Variants in SSBP3 observed in about 807,000 individuals in gnomAD.
The protein encoded by SSBP3 is single-stranded DNA-binding protein 3.
SSBP3 carries 5 observed loss-of-function variants against 69.6 expected under a neutral mutation model. The ratio of observed to expected loss-of-function variants is 0.07; its 90% CI spans 0.04 to 0.15. The LOEUF is 0.15. Among genes scored for constraint, SSBP3 ranks in the 10% least tolerant of loss-of-function variants. The pLI, the probability that SSBP3 is intolerant of heterozygous loss-of-function variation, is 1.00. For missense variants in SSBP3, 312 were observed against 534.0 expected (o/e 0.58, Z 4.10); for synonymous variants, 196 against 193.4 (o/e 1.01, Z -0.11).
chr1:54,323,015 G>A (rs1292297641), intron 4 of SSBP3, among the ~76,000 whole-genome samples: 1 of 152,146 alleles, frequency 6.6e-6, no homozygotes, highest in Non-Finnish European at 1.5e-5. Flanking sequence ...GATTTTCAAG[G>A]GAACTCAGGA....
At chr1:54,238,984 G>T in intron 14 of SSBP3, 145 bp downstream of exon 14, 1 of 686,176 alleles carries the variant, frequency 1.5e-6, no homozygotes. Flanking sequence ...TTGCCCAAGA[G>T]TTAATCACTT....
At chr1:54,301,330 A>C (rs1490956027) in intron 4 of SSBP3, among the ~76,000 whole-genome samples, 1 of 152,212 alleles carries the variant, frequency 6.6e-6, no homozygotes, top group Non-Finnish European at 1.5e-5. Context: ...GCAGCACGCC[A>C]ACTTTGGTTC....
intron 7 of SSBP3, among the ~76,000 whole-genome samples, chr1:54,254,571 C>A (rs1644886434): frequency 6.6e-6 from 1 of 152,234 alleles, no homozygotes; most frequent in African/African-American, 2.4e-5. Flanking sequence ...CCTTTTCACT[C>A]CCCTCACCCA....
At chr1:54,318,583 T>C (rs1646156655) in intron 4 of SSBP3, among the ~76,000 whole-genome samples, 1 of 152,072 alleles carries the variant, frequency 6.6e-6, no homozygotes, top group African/African-American at 2.4e-5. Flanking sequence ...GGATAAAGCT[T>C]TCCAAGCAGC....
rs375612735 is a variant in SSBP3 at position 54,364,137 on chromosome 1, A to C, written c.276+37724T>G. Among the ~76,000 whole-genome samples the C allele has an allele frequency of 4.4e-4, 67 of 152,324 alleles. No homozygotes were observed. In the East Asian group the frequency reaches 0.011, roughly 25 times the overall value. On this transcript the variant is annotated intron_variant, in intron 4 of 17. Transcript: ENST00000610401. ...CTTACTTATACCACCTGTATTTGTA[A>C]ATAAAGTTTTATTGGGACACAACCA... is the stretch of plus-strand genomic sequence containing the variant.
At chr1:54,280,139 G>A (rs1645364312) in intron 5 of SSBP3, among the ~76,000 whole-genome samples, 1 of 152,280 alleles carries the variant, frequency 6.6e-6, no homozygotes, top group South Asian at 2.1e-4. Context: ...TGTTTTTGGG[G>A]AACACCTGAA....
intron 4 of SSBP3, among the ~76,000 whole-genome samples, chr1:54,361,674 T>C (rs1272120884): frequency 1.3e-5 from 2 of 152,020 alleles, no homozygotes; most frequent in African/African-American, 2.4e-5. Flanking sequence ...GGCAGCGAGC[T>C]GAACAAGCAA....
At chr1:54,364,713 C>G (rs1418824895) in intron 4 of SSBP3, among the ~76,000 whole-genome samples, 1 of 152,206 alleles carries the variant, frequency 6.6e-6, no homozygotes, top group Non-Finnish European at 1.5e-5. Context: ...ACCCATTCCA[C>G]ACACCCAAAA....
At chr1:54,247,048 G>A (rs1444839850) in intron 9 of SSBP3, among the ~76,000 whole-genome samples, 1 of 152,364 alleles carries the variant, frequency 6.6e-6, no homozygotes, top group Non-Finnish European at 1.5e-5. Context: ...GGAGCCTCCA[G>A]TGCAGCCGTG....
At position 54,383,220 on chromosome 1, in the gene SSBP3, A is replaced by G. The variant is rs1482558995; in HGVS notation, c.276+18641T>C. Among the ~76,000 whole-genome samples, 3 of 150,240 alleles carry G rather than the reference A, an allele frequency of 2.0e-5. No homozygotes were observed. The South Asian group carries it at 6.3e-4, about 32-fold the overall frequency. ...AAAACCCCATCTCTATTAGAATACA[A>G]AAAAAAAATTAGCCGGGCGTGGTGG... On this transcript the variant is annotated intron_variant, in intron 4 of 17. Coordinates refer to ENST00000610401, the Ensembl canonical transcript of SSBP3.
intron 5 of SSBP3, among the ~76,000 whole-genome samples, chr1:54,266,976 G>A (rs1291561188): frequency 6.6e-6 from 1 of 152,232 alleles, no homozygotes; most frequent in African/African-American, 2.4e-5. Flanking sequence ...TTGCCACAAT[G>A]CTGGGGAAGA....
rs185634780 is a variant in SSBP3, at chr1:54,346,666, T to C, written c.276+55195A>G. On this transcript the variant is annotated intron_variant, in intron 4 of 17. Transcript: ENST00000610401. Reference sequence around the variant, plus strand: ...CATCTCTACTAAAAATACAAAAAAATTGGCCGGGCATGGTCGTGGGCACCT... The same window carrying C: ...CATCTCTACTAAAAATACAAAAAAACTGGCCGGGCATGGTCGTGGGCACCT... 2.0e-4 allele frequency among the ~76,000 whole-genome samples: 30 copies of C among 151,858 alleles called. 1 individual carries two copies. The East Asian group carries it at 5.3e-3, about 27-fold the overall frequency.
chr1:54,318,129 G>A (rs1166224579), intron 4 of SSBP3, among the ~76,000 whole-genome samples: 2 of 152,164 alleles, frequency 1.3e-5, no homozygotes, highest in Non-Finnish European at 1.5e-5. Context: ...GCGAGGAGAG[G>A]TGGGTAAAGA....
intron 4 of SSBP3, among the ~76,000 whole-genome samples, chr1:54,392,643 G>C (rs779583836): frequency 6.6e-6 from 1 of 152,172 alleles, no homozygotes; most frequent in Non-Finnish European, 1.5e-5. Flanking sequence ...ATTAAAACGA[G>C]TACTTAGCAC....
intron 4 of SSBP3, among the ~76,000 whole-genome samples, chr1:54,364,382 A>T (rs1251086665): frequency 6.6e-6 from 1 of 152,146 alleles, no homozygotes; most frequent in African/African-American, 2.4e-5. Flanking sequence ...CTAGTTCAGC[A>T]CCTCTACTTT....
chr1:54,267,147 G>T (rs570760583), intron 5 of SSBP3, among the ~76,000 whole-genome samples: 17 of 152,158 alleles, frequency 1.1e-4, no homozygotes, highest in Non-Finnish European at 2.4e-4. Context: ...GCTCCACCTC[G>T]AATGGCTGTG....
chr1:54,355,100 A>C (rs1043551558), intron 4 of SSBP3, among the ~76,000 whole-genome samples: 1 of 152,172 alleles, frequency 6.6e-6, no homozygotes, highest in African/African-American at 2.4e-5. Flanking sequence ...GGAGGCTCTC[A>C]GGCCAGGACA....
intron 4 of SSBP3, among the ~76,000 whole-genome samples, chr1:54,293,141 T>A (rs1391280920): frequency 6.6e-6 from 1 of 152,136 alleles, no homozygotes; most frequent in Admixed American, 6.6e-5. Flanking sequence ...AAGGCGGGGC[T>A]GCCACTTCGG....
At chr1:54,403,679 G>A (rs551802449) in intron 3 of SSBP3, among the ~76,000 whole-genome samples, 49 of 152,198 alleles carry the variant, frequency 3.2e-4, no homozygotes, top group Non-Finnish European at 2.6e-4. Context: ...AGATCCCAAC[G>A]ACAGGAGACA....
Sources: allele counts gnomAD v4.1 joint callset (sites outside exome capture counted in the v4.1 genomes callset), GRCh38; gene constraint gnomAD v4.1.1; transcripts MANE v1.5; gene names NCBI Gene and HGNC (gene_info 2026-07-23, HGNC 2026-07-21).